KDM2B: variants seen among roughly 807,000 people sequenced by gnomAD.
KDM2B encodes the protein lysine demethylase 2B, also known as lysine-specific demethylase 2B.
KDM2B carries 26 observed loss-of-function variants against 150.0 expected under a neutral mutation model. That is an observed-to-expected ratio of 0.17 (90% confidence interval 0.13 to 0.24). The LOEUF is 0.24. KDM2B is among the 10% of genes least tolerant of loss of function. The pLI, the probability that KDM2B is intolerant of heterozygous loss-of-function variation, is 1.00. For missense variants in KDM2B, 1,265 were observed against 1,816.9 expected (o/e 0.70, Z 5.52); for synonymous variants, 734 against 729.5 (o/e 1.01, Z -0.10).
chr12:121,443,689 G>T lies in KDM2B; in HGVS notation c.2556C>A (p.Phe852Leu). ...TGCGTCGTGGGAGCACCTGCTGCTG[G>T]AAGTAAGTGAGACTGGATCTCCACC... ...SPWWRSSLTY[F>L]QQQLKPGKED... The change falls in exon 17 of 23, where the codon TTC (phenylalanine) becomes TTA (leucine). Residue 852 changes from phenylalanine to leucine, a missense_variant. By Grantham distance (22) the Phe-to-Leu change is conservative (BLOSUM62 0). Around this residue, in one of 11 missense-constraint regions of KDM2B, gnomAD observed 418 missense variants for 402.4 expected, o/e 1.04. Coordinates refer to ENST00000377071, the MANE Select transcript of KDM2B (RefSeq NM_032590.5). 2 of 1,608,726 alleles carry T rather than the reference G, an allele frequency of 1.2e-6. No individual in the cohort carries two copies. The highest frequency in any genetic ancestry group is 1.7e-6 in the Non-Finnish European group (2 of 1,177,304).
Position 121,467,347 on chromosome 12 carries a change from G to C in KDM2B, c.1735-14003C>G, listed in dbSNP as rs1227718593. 2.0e-6 allele frequency: 2 copies of C among 981,524 alleles called. No individual in the cohort carries two copies. The highest frequency in any genetic ancestry group is 4.5e-5 in the South Asian group (1 of 22,014). 60.8% of individuals were successfully genotyped at this position (981,524 alleles called of 1,614,324 possible). A position where few individuals can be genotyped will look rare whatever the true frequency, so the allele number is the denominator to read the frequency against. On this transcript the variant is annotated intron_variant, in intron 12 of 22. Transcript: ENST00000377071. This position sits in a 1 kb window ranked among gnomAD's most constrained non-coding sequence, Gnocchi z 5.1. ...TCGGGCTCCCGCTGCCGCGAGGAGG[G>C]AGCCGCGCCGCGCGCCTCGCACGCC...
intron 4 of KDM2B, among the ~76,000 whole-genome samples, chr12:121,550,579 C>T (rs1261189203): frequency 3.3e-5 from 5 of 152,170 alleles, no homozygotes; most frequent in African/African-American, 1.2e-4. Flanking sequence ...CTGCAACCTC[C>T]ACTTCCTGGG....
chr12:121,450,551 G>T (rs1877064022), intron 13 of KDM2B, among the ~76,000 whole-genome samples: 1 of 152,060 alleles, frequency 6.6e-6, no homozygotes, highest in African/African-American at 2.4e-5. Context: ...ACAGATGTTG[G>T]TGGGGACACA....
the KDM2B span, among the ~76,000 whole-genome samples, chr12:121,411,447 T>A: frequency 3.9e-5 from 6 of 152,054 alleles, no homozygotes; most frequent in Non-Finnish European, 7.4e-5. Flanking sequence ...GAAAAAAAAA[T>A]TTTCAGCCTA....
chr12:121,527,609 G>A (rs1555307046), intron 8 of KDM2B, among the ~76,000 whole-genome samples: 4 of 139,592 alleles, frequency 2.9e-5, no homozygotes, highest in South Asian at 2.3e-4. Context: ...AGCTGAGATC[G>A]CGCCACTGCA....
At chr12:121,439,753 CTGTGA>C in intron 22 of KDM2B, 99 bp downstream of exon 22, 2 of 834,836 alleles carry the variant, frequency 2.4e-6, no homozygotes, top group South Asian at 3.1e-5. Flanking sequence ...ACACCTAGCA[CTGTGA>C]CCACATAGCT....
intron 6 of KDM2B, chr12:121,535,992 G>C (rs1888059028): frequency 1.1e-6 from 1 of 947,802 alleles, no homozygotes; most frequent in Admixed American, 6.2e-5. Flanking sequence ...CACCTCCGGA[G>C]CCCGCAACAC....
At chr12:121,540,088 A>G (rs369010744) in intron 6 of KDM2B, among the ~76,000 whole-genome samples, 2 of 152,136 alleles carry the variant, frequency 1.3e-5, no homozygotes, top group East Asian at 1.9e-4. Context: ...AACCACTATG[A>G]ACCTCAGTTT....
Position 121,533,044 on chromosome 12 carries a change from G to GA in KDM2B, c.778-86dup, listed in dbSNP as rs1887794392. 5.0e-6 allele frequency: 7 copies of GA among 1,388,812 alleles called. No individual in the cohort carries two copies. Among genetic ancestry groups the GA allele is most frequent in the Non-Finnish European group, 6.0e-6 (6 of 997,332 alleles). 86.0% of individuals were successfully genotyped at this position (1,388,812 alleles called of 1,614,324 possible). A position where few individuals can be genotyped will look rare whatever the true frequency, so the allele number is the denominator to read the frequency against. ...GGGCCCCACCTGCCTGGCGGAAGGG[G>GA]AGGGGGCGAGACAAGCTGTGTGTGG... is the stretch of plus-strand genomic sequence containing the variant. On this transcript the variant is annotated intron_variant, in intron 7 of 22. Transcript: ENST00000377071. The surrounding 1 kb of genome is among the most constrained non-coding windows in gnomAD (Gnocchi z 4.1).
Position 121,440,489 on chromosome 12 carries a change from G to A in KDM2B, c.3610+327C>T, listed in dbSNP as rs1166667699. ...CAGTGGAGGCTTGAAACCAACGAGGGGCAAGTCAACAGAAAAGAAGTGAGA... is the reference window on the plus strand; with the variant it reads ...CAGTGGAGGCTTGAAACCAACGAGGAGCAAGTCAACAGAAAAGAAGTGAGA... On this transcript the variant is annotated intron_variant, in intron 21 of 22. Coordinates refer to ENST00000377071, the MANE Select transcript of KDM2B (RefSeq NM_032590.5). The A allele has an allele frequency of 2.1e-5, 8 of 381,474 alleles. 1 individual carries two copies. Among genetic ancestry groups the A allele is most frequent in the South Asian group, 1.3e-4 (4 of 31,102 alleles). 23.6% of individuals were successfully genotyped at this position (381,474 alleles called of 1,614,324 possible). A position where few individuals can be genotyped will look rare whatever the true frequency, so the allele number is the denominator to read the frequency against.
At chr12:121,532,058 T>C (rs1239475814) in intron 8 of KDM2B, among the ~76,000 whole-genome samples, 2 of 151,508 alleles carry the variant, frequency 1.3e-5, no homozygotes, top group African/African-American at 2.4e-5. Flanking sequence ...GAGGTGAAGG[T>C]TGCAGTGAGC....
chr12:121,516,293 AG>A (rs1212848414), intron 9 of KDM2B: 2 of 326,316 alleles, frequency 6.1e-6, no homozygotes, highest in African/African-American at 4.5e-5. Flanking sequence ...AAAAAAATTG[AG>A]GGGGCTGCAC....
chr12:121,469,671 C>G (rs1880548477), intron 12 of KDM2B: 1 of 151,286 alleles, frequency 6.6e-6, no homozygotes, highest in South Asian at 2.1e-4. Context: ...TGACCTCTTG[C>G]TGGCCACTCT....
intron 22 of KDM2B, among the ~76,000 whole-genome samples, chr12:121,432,668 A>G (rs1873259090): frequency 6.6e-6 from 1 of 152,168 alleles, no homozygotes; most frequent in African/African-American, 2.4e-5. Flanking sequence ...CAGGCTAGAC[A>G]TTTTCAGCAA....
chr12:121,507,238 C>T (rs565331989), intron 11 of KDM2B, among the ~76,000 whole-genome samples: 16 of 151,978 alleles, frequency 1.1e-4, no homozygotes, highest in Non-Finnish European at 1.6e-4. Flanking sequence ...TTGTGGCATG[C>T]CTATGGTCCC....
chr12:121,417,696 A>G, the KDM2B span: 10 of 1,614,102 alleles, frequency 6.2e-6, no homozygotes, highest in Non-Finnish European at 8.5e-6. This position sits in a 1 kb window ranked among gnomAD's most constrained non-coding sequence, Gnocchi z 5.0. Context: ...TTGTCGTGAG[A>G]AAGAAGACTT....
At chr12:121,437,697 C>T (rs1297703114) in intron 22 of KDM2B, among the ~76,000 whole-genome samples, 1 of 152,146 alleles carries the variant, frequency 6.6e-6, no homozygotes, top group Non-Finnish European at 1.5e-5. Context: ...CGATGGAATT[C>T]GGCCAGAACA....
At chr12:121,483,138 G>A (rs1474282515) in intron 12 of KDM2B, among the ~76,000 whole-genome samples, 1 of 151,874 alleles carries the variant, frequency 6.6e-6, no homozygotes, top group Non-Finnish European at 1.5e-5. Context: ...ACTCCAGCCT[G>A]GGCAACAGAG....
intron 19 of KDM2B, among the ~76,000 whole-genome samples, chr12:121,441,919 C>G (rs1458432502): frequency 2.6e-5 from 4 of 152,246 alleles, no homozygotes; most frequent in African/African-American, 9.6e-5. Context: ...CTCTCCGAAG[C>G]CAAGGACTCC....
Sources: allele counts gnomAD v4.1 joint callset (sites outside exome capture counted in the v4.1 genomes callset), GRCh38; gene constraint gnomAD v4.1.1; regional missense constraint gnomAD v4.1.1; non-coding constraint Gnocchi (gnomAD v3.1); transcripts MANE v1.5; gene names NCBI Gene and HGNC (gene_info 2026-07-23, HGNC 2026-07-21).